Variants in NPAS3 observed in about 807,000 individuals in gnomAD.
The protein encoded by NPAS3 is neuronal PAS domain-containing protein 3.
NPAS3 carries 14 observed loss-of-function variants against 73.1 expected under a neutral mutation model. That is an observed-to-expected ratio of 0.19 (90% CI 0.13 to 0.30). The LOEUF (loss-of-function observed/expected upper bound fraction) is 0.30. Ranked by LOEUF, NPAS3 falls within the 10% of genes least tolerant of loss-of-function variation. NPAS3 has a pLI of 1.00. For missense variants in NPAS3, 1,096 were observed against 1,250.0 expected (o/e 0.88, Z 1.86); for synonymous variants, 620 against 541.5 (o/e 1.14, Z -2.01).
chr14:33,771,306 A>G (rs1190539703), intron 7 of NPAS3, among the ~76,000 whole-genome samples: 3 of 151,918 alleles, frequency 2.0e-5, no homozygotes, highest in Non-Finnish European at 4.4e-5. Context: ...CTTCAATTCC[A>G]CCCTCCCTCA....
chr14:33,603,099 G>C (rs1168514858), intron 5 of NPAS3, among the ~76,000 whole-genome samples: 1 of 152,162 alleles, frequency 6.6e-6, no homozygotes, highest in Non-Finnish European at 1.5e-5. Context: ...TTAGGAGGTA[G>C]GGAAGTCAAA....
chr14:33,262,469 C>T (rs890955773), intron 3 of NPAS3, among the ~76,000 whole-genome samples: 1 of 152,134 alleles, frequency 6.6e-6, no homozygotes, highest in African/African-American at 2.4e-5. Context: ...CACCTTGATT[C>T]ATTGAAATTA....
At chr14:33,159,714 C>T (rs937490506) in intron 2 of NPAS3, among the ~76,000 whole-genome samples, 5 of 152,116 alleles carry the variant, frequency 3.3e-5, no homozygotes, top group African/African-American at 7.2e-5. Flanking sequence ...CCACCATGCC[C>T]GGCTTATTTT....
At chr14:33,659,411 C>T (rs1479628002) in intron 5 of NPAS3, among the ~76,000 whole-genome samples, 1 of 152,192 alleles carries the variant, frequency 6.6e-6, no homozygotes, top group Non-Finnish European at 1.5e-5. Flanking sequence ...TCTCCCAGGA[C>T]ATAGCTCATT....
chr14:33,248,757 C>G (rs751950973), intron 3 of NPAS3, among the ~76,000 whole-genome samples: 1 of 152,162 alleles, frequency 6.6e-6, no homozygotes, highest in Admixed American at 6.5e-5. Context: ...CTTCAAATGT[C>G]GTTAGTCTGT....
intron 4 of NPAS3, among the ~76,000 whole-genome samples, chr14:33,460,216 C>T (rs1401141727): frequency 6.6e-6 from 1 of 152,160 alleles, no homozygotes; most frequent in Non-Finnish European, 1.5e-5. Context: ...CTCAGGACTC[C>T]AAGTCTAAAC....
chr14:33,169,062 C>T (rs2139365064), intron 2 of NPAS3, among the ~76,000 whole-genome samples: 1 of 152,228 alleles, frequency 6.6e-6, no homozygotes, highest in East Asian at 1.9e-4. Flanking sequence ...TTTTGTAGCC[C>T]TCTGGTGGAG....
intron 4 of NPAS3, among the ~76,000 whole-genome samples, chr14:33,526,819 G>C (rs1023902267): frequency 1.3e-5 from 2 of 152,036 alleles, no homozygotes; most frequent in South Asian, 2.1e-4. Flanking sequence ...CATCATTAAG[G>C]CCAGGCAGTA....
chr14:33,164,497 ATAT>A (rs2045044411), intron 2 of NPAS3, among the ~76,000 whole-genome samples: 1 of 152,102 alleles, frequency 6.6e-6, no homozygotes. Flanking sequence ...CTAAAATTCT[ATAT>A]TATTTAAATA....
At chr14:32,954,072 T>C (rs1056645450) in intron 1 of NPAS3, among the ~76,000 whole-genome samples, 1 of 152,182 alleles carries the variant, frequency 6.6e-6, no homozygotes, top group Non-Finnish European at 1.5e-5. Flanking sequence ...CATAGTCCTG[T>C]AGTTGAGAGC....
At chr14:33,325,426 A>G (rs951545061) in intron 3 of NPAS3, among the ~76,000 whole-genome samples, 3 of 152,076 alleles carry the variant, frequency 2.0e-5, no homozygotes, top group Non-Finnish European at 4.4e-5. Flanking sequence ...TGGGTGGATC[A>G]CTTGAAGTCA....
chr14:33,479,105 C>G lies in NPAS3; in HGVS notation c.469-81016C>G, dbSNP rs140254046. Among the ~76,000 whole-genome samples the G allele has an allele frequency of 2.6e-3, 402 of 152,260 alleles. 1 individual carries two copies. Among genetic ancestry groups the G allele is most frequent in the African/African-American group, 9.2e-3 (384 of 41,548 alleles). On this transcript the variant is annotated intron_variant, in intron 4 of 11. Transcript: ENST00000356141. ...TAAAAGGCTAAGGAAAATAAACGTG[C>G]AGTTAAAGCACGACATTATTGTTAA...
intron 1 of NPAS3, among the ~76,000 whole-genome samples, chr14:33,005,479 A>G (rs975335895): frequency 6.6e-6 from 1 of 152,198 alleles, no homozygotes; most frequent in African/African-American, 2.4e-5. Flanking sequence ...TCAGCTGATA[A>G]CAATTAATCT....
intron 1 of NPAS3, among the ~76,000 whole-genome samples, chr14:32,996,812 G>A (rs935810366): frequency 6.6e-6 from 1 of 152,224 alleles, no homozygotes; most frequent in African/African-American, 2.4e-5. Flanking sequence ...AGGGCAGTGG[G>A]TATGGGAAAT....
chr14:33,001,192 G>T (rs1445514632), intron 1 of NPAS3, among the ~76,000 whole-genome samples: 1 of 152,172 alleles, frequency 6.6e-6, no homozygotes, highest in African/African-American at 2.4e-5. Context: ...CTTCCTGTAG[G>T]TTCTAAGAAC....
chr14:32,985,843 TCATG>T (rs1393060205), intron 1 of NPAS3, among the ~76,000 whole-genome samples: 1 of 152,216 alleles, frequency 6.6e-6, no homozygotes, highest in Non-Finnish European at 1.5e-5. Flanking sequence ...TAAAGTTCTG[TCATG>T]TCATGGCTTG....
intron 2 of NPAS3, among the ~76,000 whole-genome samples, chr14:33,057,678 G>A (rs954138543): frequency 6.6e-6 from 1 of 152,066 alleles, no homozygotes; most frequent in African/African-American, 2.4e-5. Flanking sequence ...TTAAAGAATT[G>A]GTGTTATTTG....
intron 1 of NPAS3, among the ~76,000 whole-genome samples, chr14:33,027,760 G>T (rs957180968): frequency 1.3e-5 from 2 of 152,098 alleles, no homozygotes; most frequent in African/African-American, 4.8e-5. Flanking sequence ...TTTACAAGGG[G>T]CAGTAGATCT....
chr14:32,988,043 C>G (rs2038166153), intron 1 of NPAS3, among the ~76,000 whole-genome samples: 1 of 151,994 alleles, frequency 6.6e-6, no homozygotes, highest in Admixed American at 6.6e-5. Flanking sequence ...AATGGAAGTT[C>G]TAGAAAACAT....
Sources: allele counts gnomAD v4.1 joint callset (sites outside exome capture counted in the v4.1 genomes callset), GRCh38; gene constraint gnomAD v4.1.1; transcripts MANE v1.5; gene names NCBI Gene and HGNC (gene_info 2026-07-23, HGNC 2026-07-21).